The following CSGALNACT1 variants were observed in gnomAD, a reference collection of about 807,000 sequenced individuals.
CSGALNACT1 encodes the protein beta4GalNAcT-1.
A neutral mutation model predicts 51.0 loss-of-function variants in CSGALNACT1; 52 were observed. That is an observed-to-expected ratio of 1.02 (90% confidence interval 0.82 to 1.29). The LOEUF (loss-of-function observed/expected upper bound fraction) is 1.29. CSGALNACT1 is among the 50% of genes most tolerant of loss of function. The pLI, the probability that CSGALNACT1 is intolerant of heterozygous loss-of-function variation, is 0.00. For synonymous variants in CSGALNACT1, 341 were observed against 254.4 expected, an observed-to-expected ratio of 1.34 and a Z score of -3.24; for missense variants, 935 against 679.2, an observed-to-expected ratio of 1.38 and a Z score of -4.19.
intron 1 of CSGALNACT1, among the ~76,000 whole-genome samples, chr8:19,701,625 C>A (rs530962771): frequency 2.0e-5 from 3 of 152,204 alleles, no homozygotes; most frequent in African/African-American, 7.2e-5. Context: ...AAAGACCCTA[C>A]ATAGACAATT....
chr8:19,418,778 TAAA>T (rs769374941), intron 7 of CSGALNACT1, 28 bp from the exon 7 acceptor site: 1 of 1,474,954 alleles, frequency 6.8e-7, no homozygotes, highest in Middle Eastern at 1.7e-4. Flanking sequence ...AACATTCACT[TAAA>T]GTGACAGATC....
chr8:19,710,280 C>T (rs1444979673), intron 1 of CSGALNACT1, among the ~76,000 whole-genome samples: 1 of 152,072 alleles, frequency 6.6e-6, no homozygotes, highest in African/African-American at 2.4e-5. Context: ...GTCTATAATC[C>T]ATTTGTCAAG....
intron 1 of CSGALNACT1, among the ~76,000 whole-genome samples, chr8:19,730,715 G>A (rs71510659): frequency 0.037 from 5,560 of 152,254 alleles, 209 homozygotes; most frequent in East Asian, 0.2. Context: ...GGATAGGAGC[G>A]AAATGGCCCC....
chr8:19,718,003 C>T (rs986416877), intron 1 of CSGALNACT1, among the ~76,000 whole-genome samples: 4 of 152,208 alleles, frequency 2.6e-5, no homozygotes, highest in African/African-American at 4.8e-5. Flanking sequence ...ATCAAGCCAT[C>T]GCAGGGCTGG....
chr8:19,736,012 G>A (rs1589758297), intron 1 of CSGALNACT1, among the ~76,000 whole-genome samples: 3 of 152,222 alleles, frequency 2.0e-5, no homozygotes, highest in South Asian at 4.1e-4. Context: ...CAATCTGCAT[G>A]TAAAAATAAT....
chr8:19,501,170 A>T (rs1235908097), intron 4 of CSGALNACT1, among the ~76,000 whole-genome samples: 1 of 150,372 alleles, frequency 6.7e-6, no homozygotes, highest in African/African-American at 2.4e-5. Context: ...GAATCCCCCG[A>T]AACTGGGAGA....
intron 8 of CSGALNACT1, among the ~76,000 whole-genome samples, chr8:19,409,538 CAT>C (rs1243610068): frequency 7.9e-5 from 12 of 152,156 alleles, no homozygotes; most frequent in African/African-American, 2.7e-4. Context: ...CACACAAACA[CAT>C]ATACACAAAC....
intron 4 of CSGALNACT1, among the ~76,000 whole-genome samples, chr8:19,502,157 G>A (rs1407745534): frequency 6.6e-6 from 1 of 152,216 alleles, no homozygotes; most frequent in African/African-American, 2.4e-5. Context: ...TTTTATAGAA[G>A]AGGATCCCAA....
At chr8:19,418,504 G>T in intron 8 of CSGALNACT1, 152 bp downstream of exon 7, 1 of 700,766 alleles carries the variant, frequency 1.4e-6, no homozygotes, top group Non-Finnish European at 2.6e-6. Context: ...ACGAGGCGCC[G>T]GGAGCAGAGG....
At chr8:19,617,299 T>G (rs577353286) in intron 1 of CSGALNACT1, among the ~76,000 whole-genome samples, 63 of 152,290 alleles carry the variant, frequency 4.1e-4, no homozygotes, top group African/African-American at 1.5e-3. Flanking sequence ...GCCGTTCACC[T>G]TCTATGGGGC....
At chr8:19,533,604 T>C (rs1165194950) in intron 3 of CSGALNACT1, among the ~76,000 whole-genome samples, 1 of 152,172 alleles carries the variant, frequency 6.6e-6, no homozygotes, top group African/African-American at 2.4e-5. Flanking sequence ...TAGAATATTT[T>C]TGATCATATC....
At chr8:19,508,819 G>C (rs992869141) in intron 3 of CSGALNACT1, among the ~76,000 whole-genome samples, 2 of 152,196 alleles carry the variant, frequency 1.3e-5, no homozygotes, top group African/African-American at 4.8e-5. Flanking sequence ...TGAAAAGCAT[G>C]TTGGCTAACT....
At chr8:19,513,432 C>CTATATATATA (rs1464867601) in intron 3 of CSGALNACT1, among the ~76,000 whole-genome samples, 29 of 71,894 alleles carry the variant, frequency 4.0e-4, no homozygotes, top group Non-Finnish European at 6.9e-4. Context: ...CTCTCTCTCT[C>CTATATATATA]TCTCTATATA....
intron 6 of CSGALNACT1, among the ~76,000 whole-genome samples, chr8:19,424,326 G>A (rs993533173): frequency 3.3e-5 from 5 of 152,094 alleles, no homozygotes; most frequent in African/African-American, 7.2e-5. Flanking sequence ...CTAGGGGTCC[G>A]TCTGAGGATG....
chr8:19,480,748 G>A (rs540835433), intron 4 of CSGALNACT1, among the ~76,000 whole-genome samples: 7 of 152,254 alleles, frequency 4.6e-5, no homozygotes, highest in African/African-American at 1.7e-4. Context: ...TACAGACAAG[G>A]GCTCATTTCT....
chr8:19,445,784 AT>A (rs1563434951), intron 5 of CSGALNACT1, among the ~76,000 whole-genome samples: 1 of 152,194 alleles, frequency 6.6e-6, no homozygotes, highest in Non-Finnish European at 1.5e-5. Flanking sequence ...CCTCTAAATA[AT>A]TCTGAGTAAA....
intron 1 of CSGALNACT1, among the ~76,000 whole-genome samples, chr8:19,692,715 C>T (rs1051616757): frequency 2.0e-5 from 3 of 152,132 alleles, no homozygotes; most frequent in South Asian, 2.1e-4. Flanking sequence ...CCTTCCAGAA[C>T]GTTTCAACAA....
At chr8:19,458,531 A>T (rs1395256129) in exon 5 of CSGALNACT1, 1 of 1,614,030 alleles carries the variant, frequency 6.2e-7, no homozygotes, top group Non-Finnish European at 8.5e-7. Context: ...TTTCACTTTC[A>T]TGATGGGGCC....
intron 1 of CSGALNACT1, among the ~76,000 whole-genome samples, chr8:19,669,248 C>G (rs557768422): frequency 2.0e-5 from 3 of 152,252 alleles, no homozygotes; most frequent in East Asian, 1.9e-4. Context: ...AGACATGCAA[C>G]CACAGAAGAG....
Sources: allele counts gnomAD v4.1 joint callset (sites outside exome capture counted in the v4.1 genomes callset), GRCh38; gene constraint gnomAD v4.1.1; transcripts MANE v1.5; gene names NCBI Gene and HGNC (gene_info 2026-07-23, HGNC 2026-07-21).